The following PAFAH1B3 variants were observed in gnomAD, a reference collection of about 807,000 sequenced individuals.
PAFAH1B3 encodes the protein platelet activating factor acetylhydrolase 1b catalytic subunit 3.
PAFAH1B3 carries 15 observed loss-of-function variants against 24.4 expected under a neutral mutation model. The observed-to-expected ratio is 0.62, with a 90% CI of 0.41 to 0.95. The LOEUF (loss-of-function observed/expected upper bound fraction) is 0.95, where lower values mean the gene tolerates loss of function less well. PAFAH1B3 is among the 40% of genes least tolerant of loss of function. The pLI, the probability that PAFAH1B3 is intolerant of heterozygous loss-of-function variation, is 0.00. For synonymous variants in PAFAH1B3, 144 were observed against 126.5 expected (o/e 1.14, Z -0.93); for missense variants, 266 against 312.2 (o/e 0.85, Z 1.12).
chr19:42,297,815 C>T (rs138145924), intron 4 of PAFAH1B3, among the ~76,000 whole-genome samples: 4,392 of 152,046 alleles, frequency 0.029, 98 homozygotes, highest in Middle Eastern at 0.078. Flanking sequence ...CTTCATGATC[C>T]GCCCGCCTCG....
chr19:42,299,913 T>C (rs2038591317), intron 4 of PAFAH1B3, 57 bp downstream of exon 4: 1 of 1,607,954 alleles, frequency 6.2e-7, no homozygotes, highest in African/African-American at 1.3e-5. Context: ...TGTGGCTATA[T>C]CTGAGGGGGT....
At chr19:42,300,378 A>C in intron 2 of PAFAH1B3, 91 bp from the exon 3 acceptor site, 7 of 1,103,320 alleles carry the variant, frequency 6.3e-6, no homozygotes, top group Non-Finnish European at 9.6e-6. Context: ...GTGTTAACCA[A>C]ATGCCATTAT....
intron 4 of PAFAH1B3, among the ~76,000 whole-genome samples, chr19:42,298,781 G>A (rs950175143): frequency 6.6e-6 from 1 of 152,100 alleles, no homozygotes; most frequent in Non-Finnish European, 1.5e-5. Context: ...CCAAGTAGCT[G>A]GGGTTACAGG....
At chr19:42,297,852 C>A (rs2038561310) in intron 4 of PAFAH1B3, among the ~76,000 whole-genome samples, 1 of 151,714 alleles carries the variant, frequency 6.6e-6, no homozygotes, top group Non-Finnish European at 1.5e-5. Flanking sequence ...GGATTACAGG[C>A]GTGAGCCACC....
At position 42,297,073 on chromosome 19, in the gene PAFAH1B3, G is replaced by A; in HGVS notation, c.*5C>T. 2 of 1,594,780 alleles carry A rather than the reference G, an allele frequency of 1.3e-6. No homozygotes were observed. Among genetic ancestry groups the A allele is most frequent in the Middle Eastern group, 1.7e-4 (1 of 5,782 alleles). ...GTTTAATGTTGTGGGAAGGCAGCAG[G>A]ATGCTTAGGGTGCGGGCTCCAGCAG... On this transcript the variant is annotated 3_prime_UTR_variant, in exon 5 of 5. Coordinates refer to ENST00000262890, the MANE Select transcript of PAFAH1B3 (RefSeq NM_002573.4).
rs2038592050 is a variant in PAFAH1B3, at chr19:42,299,963, C to A, written c.408+7G>T. Reference sequence around the variant, plus strand: ...ATTCTTCCTTTCCCACTCTCCCAGCCTCTCACCAGCACCACAACCCGGGCC... The same window carrying A: ...ATTCTTCCTTTCCCACTCTCCCAGCATCTCACCAGCACCACAACCCGGGCC... On this transcript the variant is annotated splice_region_variant and intron_variant, in intron 4 of 4. Coordinates refer to ENST00000262890, the MANE Select transcript of PAFAH1B3 (RefSeq NM_002573.4). 1.2e-6 allele frequency: 2 copies of A among 1,613,934 alleles called. No individual in the cohort carries two copies. The highest frequency in any genetic ancestry group is 1.1e-5 in the South Asian group (1 of 91,056).
rs1368284708 is a variant in PAFAH1B3, at chr19:42,301,908, A to G, written c.168+42T>C. The G allele has an allele frequency of 3.4e-6, 5 of 1,488,940 alleles. No homozygotes were observed. In the South Asian group the frequency reaches 3.6e-5, roughly 11 times the overall value. 92.2% of individuals were successfully genotyped at this position (1,488,940 alleles called of 1,614,324 possible). A position where few individuals can be genotyped will look rare whatever the true frequency, so the allele number is the denominator to read the frequency against. ...TTCTGGTCCAGATGTGTCAGCATGGACACAGGGCTGGATGGGGCAGGGGGA... is the reference window on the plus strand; with the variant it reads ...TTCTGGTCCAGATGTGTCAGCATGGGCACAGGGCTGGATGGGGCAGGGGGA... On this transcript the variant is annotated intron_variant, in intron 2 of 4. Coordinates refer to ENST00000262890, the MANE Select transcript of PAFAH1B3 (RefSeq NM_002573.4).
Position 42,297,328 on chromosome 19 carries a change from C to G in PAFAH1B3, c.446G>C (p.Arg149Pro), listed in dbSNP as rs753957344. Residue 149 changes from arginine to proline, a missense_variant, in exon 5 of 5, where the codon CGG becomes CCG. Physicochemically the swap from Arg to Pro is moderately radical, Grantham distance 103. Transcript: ENST00000262890. ...CTCGTTCACCTGTCGGTTCTTCTCCCGAAGTGGGTTGGGATGTTGGCCTCG... is the reference window on the plus strand; with the variant it reads ...CTCGTTCACCTGTCGGTTCTTCTCCGGAAGTGGGTTGGGATGTTGGCCTCG... The part of the protein sequence containing the change: ...LPRGQHPNPL[R>P]EKNRQVNELV... 2 of 1,612,630 alleles carry G rather than the reference C, an allele frequency of 1.2e-6. No homozygotes were observed. Among genetic ancestry groups the G allele is most frequent in the Non-Finnish European group, 1.7e-6 (2 of 1,178,872 alleles).
rs144947482 is a variant in PAFAH1B3, at chr19:42,297,252, G to A, written c.522C>T (p.Ala174=). 226 of 1,614,088 alleles carry A rather than the reference G, an allele frequency of 1.4e-4. 1 individual carries two copies. Among genetic ancestry groups the A allele is most frequent in the African/African-American group, 9.9e-4 (74 of 75,028 alleles). ...CATCTGAGTGCACAAAGCCAGGGTC[G>A]GCATCTAGGAAGTGGGCCCGAGGGT... is the stretch of plus-strand genomic sequence containing the variant. ...AGHPRAHFLD[A]DPGFVHSDGT... Residue 174 remains alanine, a synonymous_variant, in exon 5 of 5, where the codon GCC becomes GCT. Coordinates refer to ENST00000262890, the MANE Select transcript of PAFAH1B3 (RefSeq NM_002573.4).
intron 4 of PAFAH1B3, among the ~76,000 whole-genome samples, chr19:42,299,329 C>CTGG (rs1371943150): frequency 1.3e-5 from 2 of 152,100 alleles, no homozygotes; most frequent in Non-Finnish European, 2.9e-5. Flanking sequence ...TGTGGTCAGG[C>CTGG]TGGTCTTGAA....
At chr19:42,302,067 T>A (rs775654037) in intron 1 of PAFAH1B3, 28 bp from the exon 2 acceptor site, 6 of 1,550,848 alleles carry the variant, frequency 3.9e-6, no homozygotes, top group Non-Finnish European at 5.2e-6. Context: ...AGGGAGTCAA[T>A]GGCATGCACG....
In PAFAH1B3 at chr19:42,302,046, G is replaced by A. The variant is rs577133494; in HGVS notation, c.79-7C>T. The A allele has an allele frequency of 2.0e-5, 31 of 1,562,430 alleles. No individual in the cohort carries two copies. Among genetic ancestry groups the A allele is most frequent in the South Asian group, 4.7e-5 (4 of 84,908 alleles). On this transcript the variant is annotated splice_polypyrimidine_tract_variant and splice_region_variant and intron_variant, in intron 1 of 4. Transcript: ENST00000262890. The stretch of plus-strand genomic sequence containing the variant: ...CAGCCACGAACCGATGGTGCTGCGG[G>A]AGCGCGCGAGAGGGAGTCAATGGCA...
chr19:42,301,040 C>G (rs1388197096), intron 2 of PAFAH1B3, among the ~76,000 whole-genome samples: 1 of 152,142 alleles, frequency 6.6e-6, no homozygotes. Flanking sequence ...GTCTCGAACT[C>G]CTGGCCTCAG....
intron 4 of PAFAH1B3, among the ~76,000 whole-genome samples, chr19:42,297,715 G>A (rs1211719747): frequency 6.6e-6 from 1 of 151,544 alleles, no homozygotes; most frequent in Non-Finnish European, 1.5e-5. Context: ...CTGGGACTAC[G>A]GGCACCCACC....
rs982045108 is a variant in PAFAH1B3, at chr19:42,302,495, A to G, written c.-186T>C. The stretch of plus-strand genomic sequence containing the variant: ...CTCCTCTCCAGGGACGGAAGCCTTC[A>G]CTTAGGAGGTAGGTGGAATCAGGAA... On this transcript the variant is annotated 5_prime_UTR_variant, in exon 1 of 5. Coordinates refer to ENST00000262890, the MANE Select transcript of PAFAH1B3 (RefSeq NM_002573.4). The G allele has an allele frequency of 5.7e-5, 33 of 575,018 alleles. 1 individual carries two copies. Among genetic ancestry groups the G allele is most frequent in the Middle Eastern group, 9.1e-4 (2 of 2,200 alleles). The allele number at this position is 575,018 out of a possible 1,614,324, so 35.6% of individuals were successfully genotyped here.
chr19:42,299,976 C>T lies in PAFAH1B3; in HGVS notation c.402G>A (p.Val134=), dbSNP rs2038592261. ...VNERQPQARV[V]VLGLLPRGQH... ...CACTCTCCCAGCCTCTCACCAGCAC[C>T]ACAACCCGGGCCTGGGGCTGTCGCT... The change falls in exon 4 of 5, where the codon GTG becomes GTA. Residue 134 remains valine, a synonymous_variant. Transcript: ENST00000262890. The T allele has an allele frequency of 1.2e-6, 2 of 1,613,974 alleles. No homozygotes were observed. The highest frequency in any genetic ancestry group is 1.3e-5 in the African/African-American group (1 of 74,922).
intron 4 of PAFAH1B3, among the ~76,000 whole-genome samples, chr19:42,298,798 G>A (rs763046885): frequency 2.0e-5 from 3 of 151,548 alleles, no homozygotes; most frequent in Non-Finnish European, 2.9e-5. Context: ...CAGGTTTTGC[G>A]CACCATCATA....
intron 4 of PAFAH1B3, among the ~76,000 whole-genome samples, chr19:42,298,343 T>A (rs1166708203): frequency 6.6e-6 from 1 of 152,098 alleles, no homozygotes; most frequent in Admixed American, 6.5e-5. Context: ...ATACAAAAAT[T>A]AGCCAGGTGT....
Position 42,300,284 on chromosome 19 carries a change from A to G in PAFAH1B3, c.172T>C (p.Trp58Arg). Reference sequence around the variant, plus strand: ...TGCAGAGGAGAGAAGAGCTCGCGCCAGATCTGTGGGCAAGAAGTGGTGTGG... The same window carrying G: ...TGCAGAGGAGAGAAGAGCTCGCGCCGGATCTGTGGGCAAGAAGTGGTGTGG... ...LVQLMHQCEI[W>R]RELFSPLHAL... Residue 58 changes from tryptophan to arginine, a missense_variant, in exon 3 of 5, where the codon TGG (tryptophan) becomes CGG (arginine). Physicochemically the swap from Trp to Arg is moderately radical, Grantham distance 101. Transcript: ENST00000262890. 2 of 1,614,084 alleles carry G rather than the reference A, an allele frequency of 1.2e-6. No homozygotes were observed. Among genetic ancestry groups the G allele is most frequent in the Non-Finnish European group, 8.5e-7 (1 of 1,179,922 alleles).
Sources: gnomAD v4.1 joint callset for allele counts (sites outside exome capture counted in the v4.1 genomes callset) on GRCh38, gnomAD v4.1.1 for gene constraint, MANE v1.5 for transcripts, NCBI Gene and HGNC (gene_info 2026-07-23, HGNC 2026-07-21) for gene names.